Variants in DAGLA observed in about 807,000 individuals in gnomAD.
DAGLA encodes the protein diacylglycerol lipase alpha, also known as diacylglycerol lipase-alpha.
A neutral mutation model predicts 102.6 loss-of-function variants in DAGLA; 22 were observed. The observed-to-expected ratio is 0.21, with a 90% CI of 0.15 to 0.31. DAGLA has a LOEUF of 0.31. DAGLA is among the 10% of genes least tolerant of loss of function. DAGLA has a pLI of 1.00. For synonymous variants in DAGLA, 578 were observed against 628.9 expected (o/e 0.92, Z 1.21); for missense variants, 927 against 1,446.6 (o/e 0.64, Z 5.83).
At chr11:61,695,326 A>G (rs2065056581) in intron 1 of DAGLA, among the ~76,000 whole-genome samples, 1 of 152,218 alleles carries the variant, frequency 6.6e-6, no homozygotes, top group Non-Finnish European at 1.5e-5. Context: ...TCCAGGCATC[A>G]GTGTCGGAGC....
chr11:61,728,040 C>T (rs2065344383), intron 6 of DAGLA, 113 bp from the exon 7 acceptor site: 1 of 1,271,522 alleles, frequency 7.9e-7, no homozygotes, highest in East Asian at 2.3e-5. Context: ...GTCCAGGGGA[C>T]CCCGAGCAGA....
In DAGLA at chr11:61,734,577, G is replaced by A. The variant is rs550131375; in HGVS notation, c.975-272G>A. On this transcript the variant is annotated intron_variant, in intron 9 of 19. Coordinates refer to ENST00000257215, the MANE Select transcript of DAGLA (RefSeq NM_006133.3). This position sits in a 1 kb window ranked among gnomAD's most constrained non-coding sequence, Gnocchi z 4.2. ...GTGCATCGCTGAGTAGGCCCTGCCC[G>A]GAGGGGAGATCCCAGAGAGGAGGGG... Among the ~76,000 whole-genome samples, 5 of 152,278 alleles carry A rather than the reference G, an allele frequency of 3.3e-5. No individual in the cohort carries two copies. The highest frequency in any genetic ancestry group is 4.8e-5 in the African/African-American group (2 of 41,558).
chr11:61,686,066 G>A lies in DAGLA; in HGVS notation c.-45+5562G>A, dbSNP rs1157692794. On this transcript the variant is annotated intron_variant, in intron 1 of 19. Coordinates refer to ENST00000257215, the MANE Select transcript of DAGLA (RefSeq NM_006133.3). This position sits in a 1 kb window ranked among gnomAD's most constrained non-coding sequence, Gnocchi z 5.2. ...CCAGGAAGAGTGGTATGGCAGCAGG[G>A]TACTGAGGGACAAGAGTAGGGGGTG... Among the ~76,000 whole-genome samples the A allele has an allele frequency of 1.3e-5, 2 of 152,154 alleles. No individual in the cohort carries two copies. Among genetic ancestry groups the A allele is most frequent in the East Asian group, 3.9e-4 (2 of 5,190 alleles).
At chr11:61,704,930 G>A (rs989308103) in intron 1 of DAGLA, among the ~76,000 whole-genome samples, 2 of 152,186 alleles carry the variant, frequency 1.3e-5, no homozygotes, top group Admixed American at 6.5e-5. Context: ...AACCCTCAGC[G>A]GTGGGAGCAG....
intron 1 of DAGLA, among the ~76,000 whole-genome samples, chr11:61,719,463 G>A (rs967267034): frequency 6.6e-6 from 1 of 152,208 alleles, no homozygotes; most frequent in Non-Finnish European, 1.5e-5. Context: ...TGTCTGATGG[G>A]TTCAAAACCA....
At chr11:61,700,911 G>A (rs1017885973) in intron 1 of DAGLA, among the ~76,000 whole-genome samples, 5 of 152,218 alleles carry the variant, frequency 3.3e-5, no homozygotes, top group African/African-American at 9.6e-5. Flanking sequence ...ATGTGGCCCC[G>A]GGCCAGGCAC....
chr11:61,709,638 CAGAG>C (rs746733254), intron 1 of DAGLA, among the ~76,000 whole-genome samples: 15 of 152,068 alleles, frequency 9.9e-5, no homozygotes, highest in African/African-American at 1.9e-4. Flanking sequence ...AGGAGGGTGA[CAGAG>C]GGAGGGGACG....
At chr11:61,739,744 C>A in intron 17 of DAGLA, 83 bp downstream of exon 17, 1 of 1,402,232 alleles carries the variant, frequency 7.1e-7, no homozygotes, top group Non-Finnish European at 9.7e-7. Context: ...TTGGCTCAAT[C>A]ACCGCTCGGG....
Position 61,737,687 on chromosome 11 carries a change from T to C in DAGLA, c.1515T>C (p.Ser505=), listed in dbSNP as rs748865780. 2 of 1,611,944 alleles carry C rather than the reference T, an allele frequency of 1.2e-6. No homozygotes were observed. The highest frequency in any genetic ancestry group is 1.7e-6 in the Non-Finnish European group (2 of 1,178,084). The change falls in exon 15 of 20, where the codon AGT becomes AGC. Residue 505 remains serine, a splice_region_variant and synonymous_variant. Coordinates refer to ENST00000257215, the MANE Select transcript of DAGLA (RefSeq NM_006133.3). ...FAYSPPGGLL[S]EDAMEYSKEF... Reference sequence around the variant, plus strand: ...GCTTCTGCTTCGGCTTCCCTTGCAGTGAGGATGCGATGGAGTATTCCAAGG... The same window carrying C: ...GCTTCTGCTTCGGCTTCCCTTGCAGCGAGGATGCGATGGAGTATTCCAAGG...
chr11:61,707,021 G>T (rs1436535858), intron 1 of DAGLA, among the ~76,000 whole-genome samples: 1 of 152,254 alleles, frequency 6.6e-6, no homozygotes, highest in Non-Finnish European at 1.5e-5. Context: ...GCCAGCAGGG[G>T]TTAGCGGGAG....
At chr11:61,680,640 C>A (rs971030301) in intron 1 of DAGLA, 136 bp downstream of exon 1, 1 of 150,418 alleles carries the variant, frequency 6.6e-6, no homozygotes, top group African/African-American at 2.4e-5. Context: ...CTGCCACGCG[C>A]GCCCGTGGCA....
Position 61,743,744 on chromosome 11 carries a change from G to T in DAGLA, c.2384G>T (p.Arg795Leu). The part of the protein sequence containing the change: ...DTESLYSFDS[R>L]RSSGFRSIRG... Reference sequence around the variant, plus strand: ...GAGTCCCTGTACAGCTTCGACTCGCGCCGCTCCTCAGGCTTCCGCAGCATC... The same window carrying T: ...GAGTCCCTGTACAGCTTCGACTCGCTCCGCTCCTCAGGCTTCCGCAGCATC... Residue 795 changes from arginine (R) to leucine (L), a missense_variant, in exon 20 of 20, where the codon CGC becomes CTC. Coordinates refer to ENST00000257215, the MANE Select transcript of DAGLA (RefSeq NM_006133.3). 1 of 1,612,154 alleles carries T rather than the reference G, an allele frequency of 6.2e-7. No homozygotes were observed. Among genetic ancestry groups the T allele is most frequent in the Non-Finnish European group, 8.5e-7 (1 of 1,179,838 alleles).
At chr11:61,720,928 C>A (rs372264972) in intron 3 of DAGLA, 38 bp downstream of exon 3, 1 of 1,571,268 alleles carries the variant, frequency 6.4e-7, no homozygotes, top group Non-Finnish European at 8.7e-7. Flanking sequence ...CCCCAGACAA[C>A]TCCCACCTCT....
In DAGLA at chr11:61,718,801, G is replaced by A. The variant is rs1028177474; in HGVS notation, c.-44-1311G>A. ...CCACAGCTCGCCAAGTGGCTGCACC[G>A]GGGATAGGGAGGCGGGCCGGGCGGA... is the stretch of plus-strand genomic sequence containing the variant. On this transcript the variant is annotated intron_variant, in intron 1 of 19. Transcript: ENST00000257215. 1.2e-4 allele frequency among the ~76,000 whole-genome samples: 18 copies of A among 152,202 alleles called. 1 individual carries two copies. The highest frequency in any genetic ancestry group is 1.1e-3 in the Admixed American group (17 of 15,288).
At chr11:61,709,964 G>A (rs1217235811) in intron 1 of DAGLA, among the ~76,000 whole-genome samples, 1 of 152,160 alleles carries the variant, frequency 6.6e-6, no homozygotes, top group Non-Finnish European at 1.5e-5. Context: ...GACCCCGAGG[G>A]CCAACCCACA....
chr11:61,738,277 T>C (rs1036798300), intron 16 of DAGLA, 70 bp downstream of exon 16: 4 of 1,350,788 alleles, frequency 3.0e-6, no homozygotes, highest in Non-Finnish European at 4.1e-6. Flanking sequence ...CCCACCGGTT[T>C]CTTGGGACAA....
chr11:61,744,648 C>T lies in DAGLA; in HGVS notation c.*159C>T, dbSNP rs2065521326. On this transcript the variant is annotated 3_prime_UTR_variant, in exon 20 of 20. Transcript: ENST00000257215. ...CTGAGCTGGGGGTCCGCATCCCTACCTCAGCTTAGGACCCCCAGAGCCAAG... is the reference window on the plus strand; with the variant it reads ...CTGAGCTGGGGGTCCGCATCCCTACTTCAGCTTAGGACCCCCAGAGCCAAG... 13 of 619,330 alleles carry T rather than the reference C, an allele frequency of 2.1e-5. No individual in the cohort carries two copies. The South Asian group carries it at 2.8e-4, about 13-fold the overall frequency. 38.4% of individuals were successfully genotyped at this position (619,330 alleles called of 1,614,324 possible).
rs200706191 is a variant in DAGLA at position 61,741,338 on chromosome 11, C to T, written c.2160C>T (p.Asn720=). Residue 720 remains asparagine (N), a synonymous_variant, in exon 19 of 20, where the codon AAC becomes AAT. Transcript: ENST00000257215. ...ALELPTADHR[N]SSVRSKSQSE... ...AGCTGCCGACTGCAGACCACCGCAA[C>T]AGCAGCGTCAGGTGAGCCTTGGCCA... 5.5e-5 allele frequency: 89 copies of T among 1,606,796 alleles called. No individual in the cohort carries two copies. The highest frequency in any genetic ancestry group is 1.1e-4 in the East Asian group (5 of 44,880).
chr11:61,731,851 TC>T (rs1357712515), intron 9 of DAGLA, among the ~76,000 whole-genome samples: 3 of 152,150 alleles, frequency 2.0e-5, no homozygotes, highest in Admixed American at 2.0e-4. Flanking sequence ...TCTGCCCACA[TC>T]TTCCCTTCTC....
Sources: gnomAD v4.1 joint callset for allele counts (sites outside exome capture counted in the v4.1 genomes callset) on GRCh38, gnomAD v4.1.1 for gene constraint, Gnocchi (gnomAD v3.1) non-coding constraint, MANE v1.5 for transcripts, NCBI Gene and HGNC (gene_info 2026-07-23, HGNC 2026-07-21) for gene names.